KAZN: variants seen among roughly 807,000 people sequenced by gnomAD.
The protein encoded by KAZN is kazrin, periplakin interacting protein, also known as kazrin.
KAZN carries 40 observed loss-of-function variants against 87.4 expected under a neutral mutation model. The observed-to-expected ratio is 0.46, with a 90% CI of 0.36 to 0.60. The LOEUF (loss-of-function observed/expected upper bound fraction) is 0.60, where lower values mean the gene tolerates loss of function less well. Among genes scored for constraint, KAZN ranks in the 20% least tolerant of loss-of-function variants. KAZN has a pLI of 0.00. For synonymous variants in KAZN, 466 were observed against 458.3 expected, an observed-to-expected ratio of 1.02 and a Z score of -0.22; for missense variants, 898 against 1,073.9, an observed-to-expected ratio of 0.84 and a Z score of 2.29.
intron 2 of KAZN, among the ~76,000 whole-genome samples, chr1:14,392,669 G>A (rs1156445399): frequency 6.6e-6 from 1 of 152,046 alleles, no homozygotes; most frequent in Non-Finnish European, 1.5e-5. Context: ...TTACCCACTA[G>A]ATGCCAGTAG....
chr1:14,154,471 A>T (rs957915144), intron 1 of KAZN, among the ~76,000 whole-genome samples: 2 of 152,086 alleles, frequency 1.3e-5, no homozygotes, highest in Non-Finnish European at 2.9e-5. Context: ...TTCCTTTCCC[A>T]TTTGAATGCC....
At chr1:13,920,672 A>G (rs1640032010) in intron 1 of KAZN, among the ~76,000 whole-genome samples, 1 of 152,044 alleles carries the variant, frequency 6.6e-6, no homozygotes, top group South Asian at 2.1e-4. Context: ...GCAGGCTCAG[A>G]ATGTTTCTGT....
At position 15,034,872 on chromosome 1, in the gene KAZN, A is replaced by G; in HGVS notation, c.542A>G (p.Glu181Gly). 6.2e-7 allele frequency: 1 copy of G among 1,613,770 alleles called. No individual in the cohort carries two copies. The highest frequency in any genetic ancestry group is 2.2e-5 in the East Asian group (1 of 44,872). The change falls in exon 3 of 15, where the codon GAG becomes GGG. Residue 181 changes from glutamate (E) to glycine (G), a missense_variant. Around this residue, in one of 3 missense-constraint regions of KAZN, gnomAD observed 250 missense variants for 263.0 expected, o/e 0.95. Transcript: ENST00000376030. ...CTCCGAGACTTCATCCGCAACTATG[A>G]GCAGCACCGCAAGGTCAGCCGCCGC... ...EQLRDFIRNY[E>G]QHRKESEDAV...
At chr1:14,871,232 C>A (rs1349787946) in intron 1 of KAZN, among the ~76,000 whole-genome samples, 5 of 152,180 alleles carry the variant, frequency 3.3e-5, no homozygotes, top group Non-Finnish European at 7.3e-5. Context: ...GCAGACCTCT[C>A]CTTCCTAGGT....
At chr1:14,597,027 G>A (rs1676552030), upstream of KAZN, among the ~76,000 whole-genome samples, 1 of 152,204 alleles carries the variant, frequency 6.6e-6, no homozygotes, top group African/African-American at 2.4e-5. Context: ...CACAATGGCT[G>A]CACCACGGCA....
At chr1:14,282,583 A>G (rs1252502192) in intron 2 of KAZN, among the ~76,000 whole-genome samples, 1 of 152,186 alleles carries the variant, frequency 6.6e-6, no homozygotes, top group African/African-American at 2.4e-5. Flanking sequence ...GCCAACACAA[A>G]GAAGCCCTGG....
intron 2 of KAZN, among the ~76,000 whole-genome samples, chr1:14,479,082 G>A (rs976526801): frequency 6.6e-5 from 10 of 152,152 alleles, no homozygotes; most frequent in Admixed American, 2.0e-4. Flanking sequence ...TTTATCCGCC[G>A]GCTTCTATCC....
intron 1 of KAZN, among the ~76,000 whole-genome samples, chr1:14,039,651 C>T (rs1340661502): frequency 1.3e-5 from 2 of 152,188 alleles, no homozygotes; most frequent in African/African-American, 4.8e-5. Context: ...ATCGCTGCTG[C>T]CTGAGCATTT....
At chr1:15,076,985 G>A (rs1013329150) in intron 8 of KAZN, among the ~76,000 whole-genome samples, 9 of 152,162 alleles carry the variant, frequency 5.9e-5, no homozygotes, top group Non-Finnish European at 1.2e-4. Context: ...GCAGATAGGC[G>A]GGTCAGTGAC....
At chr1:14,455,366 T>C (rs1474285433) in intron 2 of KAZN, among the ~76,000 whole-genome samples, 1 of 152,214 alleles carries the variant, frequency 6.6e-6, no homozygotes, top group African/African-American at 2.4e-5. Flanking sequence ...TGTCTCACTG[T>C]CTTCAGAATT....
chr1:13,958,371 C>T (rs1421903582), intron 1 of KAZN, among the ~76,000 whole-genome samples: 1 of 151,952 alleles, frequency 6.6e-6, no homozygotes, highest in East Asian at 1.9e-4. Context: ...AGGATAGAGA[C>T]CATCCTGGCT....
intron 1 of KAZN, among the ~76,000 whole-genome samples, chr1:14,026,112 C>G (rs946137442): frequency 2.6e-5 from 4 of 152,036 alleles, no homozygotes; most frequent in Admixed American, 6.6e-5. Flanking sequence ...TTTTAAAGAG[C>G]TTTAGAGATG....
At chr1:14,588,240 A>G (rs1675976823) in intron 2 of KAZN, among the ~76,000 whole-genome samples, 1 of 152,172 alleles carries the variant, frequency 6.6e-6, no homozygotes, top group African/African-American at 2.4e-5. Flanking sequence ...GCAAATCTGG[A>G]TTTTGAATCT....
chr1:14,122,429 G>T (rs1644771721), intron 1 of KAZN, among the ~76,000 whole-genome samples: 1 of 152,092 alleles, frequency 6.6e-6, no homozygotes, highest in African/African-American at 2.4e-5. Flanking sequence ...TGAGCACACT[G>T]CTTTTTGACA....
intron 2 of KAZN, among the ~76,000 whole-genome samples, chr1:15,005,700 A>T (rs1461559558): frequency 6.6e-6 from 1 of 152,016 alleles, no homozygotes; most frequent in African/African-American, 2.4e-5. Context: ...AGGCAGGAAG[A>T]TCGCTTGAAC....
intron 2 of KAZN, among the ~76,000 whole-genome samples, chr1:14,573,108 A>T (rs1159916128): frequency 6.6e-6 from 1 of 151,904 alleles, no homozygotes; most frequent in Non-Finnish European, 1.5e-5. Flanking sequence ...GAAGCAATAC[A>T]CTTCTGATTC....
Position 14,184,253 on chromosome 1 carries a change from G to C in KAZN, c.249+3661G>C, listed in dbSNP as rs1333536242. 6.7e-6 allele frequency among the ~76,000 whole-genome samples: 1 copy of C among 149,272 alleles called. No individual in the cohort carries two copies. Among genetic ancestry groups the C allele is most frequent in the Admixed American group, 6.7e-5 (1 of 14,956 alleles). On this transcript the variant is annotated intron_variant, in intron 2 of 16. Transcript: ENST00000636203. The surrounding 1 kb of genome is among the most constrained non-coding windows in gnomAD (Gnocchi z 4.2). ...CCCTCTGCCCTTTTTCTCCCCACCC[G>C]ACCCAGCATCTCTCCTCCTCCCCTC... is the stretch of plus-strand genomic sequence containing the variant.
chr1:13,956,756 A>G (rs1246408798), intron 1 of KAZN, among the ~76,000 whole-genome samples: 1 of 152,004 alleles, frequency 6.6e-6, no homozygotes, highest in East Asian at 2.0e-4. Context: ...AAAAACAAAA[A>G]CCGTGGACTT....
At chr1:14,154,642 G>A (rs1286063489) in intron 1 of KAZN, among the ~76,000 whole-genome samples, 1 of 152,120 alleles carries the variant, frequency 6.6e-6, no homozygotes, top group East Asian at 1.9e-4. Flanking sequence ...TGTTGTACAT[G>A]GCTTTAATTA....
Sources: allele counts gnomAD v4.1 joint callset (sites outside exome capture counted in the v4.1 genomes callset), GRCh38; gene constraint gnomAD v4.1.1; regional missense constraint gnomAD v4.1.1; non-coding constraint Gnocchi (gnomAD v3.1); transcripts MANE v1.5; gene names NCBI Gene and HGNC (gene_info 2026-07-23, HGNC 2026-07-21).